The following DLG2 variants were observed in gnomAD, a reference collection of about 807,000 sequenced individuals.
The protein encoded by DLG2 is disks large homolog 2.
A neutral mutation model predicts 132.5 loss-of-function variants in DLG2; 45 were observed. The ratio of observed to expected loss-of-function variants is 0.34; its 90% CI spans 0.27 to 0.44. The LOEUF is 0.44. Among genes scored for constraint, DLG2 ranks in the 20% least tolerant of loss-of-function variants. The pLI is 1.00. For synonymous variants in DLG2, 424 were observed against 419.6 expected, an observed-to-expected ratio of 1.01 and a Z score of -0.13; for missense variants, 1,045 against 1,196.9, an observed-to-expected ratio of 0.87 and a Z score of 1.87.
At chr11:84,474,311 T>G (rs559273041) in intron 7 of DLG2, among the ~76,000 whole-genome samples, 1 of 152,074 alleles carries the variant, frequency 6.6e-6, no homozygotes, top group Non-Finnish European at 1.5e-5. Flanking sequence ...TAATTTTCAT[T>G]AAATAATTTT....
intron 4 of DLG2, among the ~76,000 whole-genome samples, chr11:85,262,046 C>T (rs2076970668): frequency 6.6e-6 from 1 of 152,134 alleles, no homozygotes; most frequent in Non-Finnish European, 1.5e-5. Context: ...GCACATTTGA[C>T]AGGTTTGGCA....
At chr11:85,349,351 G>A (rs1350460720) in intron 3 of DLG2, among the ~76,000 whole-genome samples, 1 of 151,996 alleles carries the variant, frequency 6.6e-6, no homozygotes, top group Non-Finnish European at 1.5e-5. Flanking sequence ...TCCACTACCT[G>A]TTACCTCATT....
At chr11:84,511,804 CTGGT>C (rs1340553283) in intron 7 of DLG2, among the ~76,000 whole-genome samples, 2 of 152,120 alleles carry the variant, frequency 1.3e-5, no homozygotes, top group African/African-American at 4.8e-5. Context: ...TGTTAAAATG[CTGGT>C]TCTCAGGGCC....
intron 6 of DLG2, among the ~76,000 whole-genome samples, chr11:84,816,731 A>G (rs1057106199): frequency 2.6e-5 from 4 of 151,970 alleles, no homozygotes; most frequent in African/African-American, 9.7e-5. Flanking sequence ...TGCTGGAACT[A>G]AAATAAAGAT....
At chr11:85,338,782 G>A (rs1460707525) in intron 3 of DLG2, among the ~76,000 whole-genome samples, 1 of 140,538 alleles carries the variant, frequency 7.1e-6, no homozygotes, top group Admixed American at 7.8e-5. Flanking sequence ...TCGGCTCACT[G>A]CAGGCTCCGC....
At chr11:85,515,403 T>G (rs1298136890) in intron 3 of DLG2, among the ~76,000 whole-genome samples, 3 of 151,960 alleles carry the variant, frequency 2.0e-5, no homozygotes, top group African/African-American at 7.2e-5. Context: ...CAGACCTGAT[T>G]GAATCTCTGT....
chr11:85,274,064 T>C (rs191919336), intron 4 of DLG2, among the ~76,000 whole-genome samples: 9 of 152,144 alleles, frequency 5.9e-5, no homozygotes, highest in East Asian at 1.9e-4. Context: ...ACGAGAACAC[T>C]TGGACACAGG....
intron 15 of DLG2, among the ~76,000 whole-genome samples, chr11:83,919,339 C>T (rs1015458131): frequency 6.6e-6 from 1 of 152,050 alleles, no homozygotes; most frequent in Non-Finnish European, 1.5e-5. Flanking sequence ...GAAAGGAAAA[C>T]GGGGCTACTA....
chr11:85,098,604 T>TC (rs2070314419), intron 6 of DLG2, among the ~76,000 whole-genome samples: 1 of 152,196 alleles, frequency 6.6e-6, no homozygotes, highest in Non-Finnish European at 1.5e-5. Flanking sequence ...TATGACCAAA[T>TC]CCATTGCAGA....
chr11:84,957,250 C>G (rs1200331090), intron 6 of DLG2, among the ~76,000 whole-genome samples: 2 of 152,142 alleles, frequency 1.3e-5, no homozygotes, highest in South Asian at 2.1e-4. Context: ...TATATTACCT[C>G]AATACTATAA....
At chr11:83,779,995 T>A (rs182563439) in intron 18 of DLG2, among the ~76,000 whole-genome samples, 1 of 152,176 alleles carries the variant, frequency 6.6e-6, no homozygotes, top group Non-Finnish European at 1.5e-5. Context: ...CTTACTTAAA[T>A]GTTCTCTGAT....
chr11:84,548,995 A>G (rs1158072572), intron 6 of DLG2, among the ~76,000 whole-genome samples: 1 of 152,196 alleles, frequency 6.6e-6, no homozygotes, highest in Non-Finnish European at 1.5e-5. Flanking sequence ...AAACATGATC[A>G]AGTATTTGCT....
intron 7 of DLG2, among the ~76,000 whole-genome samples, chr11:84,332,624 G>A (rs1004088885): frequency 1.3e-5 from 2 of 151,408 alleles, no homozygotes; most frequent in Non-Finnish European, 2.9e-5. Flanking sequence ...GATTAAAGGC[G>A]TGAGCCACCG....
intron 8 of DLG2, among the ~76,000 whole-genome samples, chr11:84,250,168 C>T (rs1256185422): frequency 6.6e-6 from 1 of 152,220 alleles, no homozygotes; most frequent in African/African-American, 2.4e-5. Context: ...AAATTGCAAA[C>T]ATGTACAAAT....
chr11:83,723,601 T>A (rs189275206), intron 18 of DLG2, among the ~76,000 whole-genome samples: 110 of 152,240 alleles, frequency 7.2e-4, no homozygotes, highest in African/African-American at 2.5e-3. Flanking sequence ...ACGCCTGTAA[T>A]CTCAGCACTT....
At chr11:84,059,263 T>C (rs1227443583) in intron 11 of DLG2, 52 bp downstream of exon 11, 1 of 1,566,890 alleles carries the variant, frequency 6.4e-7, no homozygotes, top group Non-Finnish European at 8.8e-7. Context: ...GGCATAAACT[T>C]CAGTCAGATG....
chr11:84,201,601 T>C (rs1361292801), intron 8 of DLG2, among the ~76,000 whole-genome samples: 1 of 149,972 alleles, frequency 6.7e-6, no homozygotes, highest in Admixed American at 6.7e-5. Flanking sequence ...TTTTTATTGG[T>C]AGGCTATTTA....
At chr11:85,405,179 C>A (rs965019189) in intron 3 of DLG2, among the ~76,000 whole-genome samples, 1 of 151,766 alleles carries the variant, frequency 6.6e-6, no homozygotes, top group Non-Finnish European at 1.5e-5. Flanking sequence ...CCCAGCTCTG[C>A]CCCTTGCATG....
intron 6 of DLG2, among the ~76,000 whole-genome samples, chr11:84,623,802 T>C (rs192713965): frequency 3.0e-4 from 45 of 152,330 alleles, no homozygotes; most frequent in African/African-American, 1.1e-3. Context: ...CACCATAGTA[T>C]ACATACGTCC....
Sources: allele counts gnomAD v4.1 joint callset (sites outside exome capture counted in the v4.1 genomes callset), GRCh38; gene constraint gnomAD v4.1.1; transcripts MANE v1.5; gene names NCBI Gene and HGNC (gene_info 2026-07-23, HGNC 2026-07-21).